The following STARD13 variants were observed in gnomAD, a reference collection of about 807,000 sequenced individuals.
STARD13 encodes stAR-related lipid transfer protein 13.
A neutral mutation model predicts 106.4 loss-of-function variants in STARD13; 62 were observed. The observed-to-expected ratio is 0.58, with a 90% CI of 0.48 to 0.72. STARD13 has a LOEUF of 0.72. Ranked by LOEUF, STARD13 falls within the 30% of genes least tolerant of loss-of-function variation. The pLI is 0.00. For missense variants in STARD13, 1,387 were observed against 1,424.0 expected, an observed-to-expected ratio of 0.97 and a Z score of 0.42; for synonymous variants, 565 against 553.0, an observed-to-expected ratio of 1.02 and a Z score of -0.31.
the STARD13 span, among the ~76,000 whole-genome samples, chr13:33,450,868 A>C: frequency 1.3e-5 from 2 of 151,970 alleles, no homozygotes; most frequent in African/African-American, 4.8e-5. Context: ...ATGCAGGTGA[A>C]GTTTGTTTTT....
At chr13:33,663,027 A>T in the STARD13 span, among the ~76,000 whole-genome samples, 1 of 152,358 alleles carries the variant, frequency 6.6e-6, no homozygotes, top group East Asian at 1.9e-4. Context: ...TGCTAACAGT[A>T]GTTTGAATTG....
At position 33,348,989 on chromosome 13, in the gene STARD13, A is replaced by G; in HGVS notation, c.*160T>C. On this transcript the variant is annotated 3_prime_UTR_variant, in exon 2 of 2. Transcript: ENST00000439831. ...GCTATAGATTCTGGGCATCTTCCCC[A>G]GAATGCTTTCAGGCTGATGAGGATG... The G allele has an allele frequency of 4.9e-6, 3 of 617,132 alleles. No individual in the cohort carries two copies. The South Asian group carries it at 5.5e-5, about 11-fold the overall frequency. 38.2% of individuals were successfully genotyped at this position (617,132 alleles called of 1,614,324 possible).
chr13:33,474,361 A>G, the STARD13 span, among the ~76,000 whole-genome samples: 9 of 152,332 alleles, frequency 5.9e-5, no homozygotes, highest in East Asian at 1.7e-3. Context: ...GTATTGGAGC[A>G]AACAGAGTTT....
At chr13:33,377,612 C>T in the STARD13 span, among the ~76,000 whole-genome samples, 1 of 150,716 alleles carries the variant, frequency 6.6e-6, no homozygotes, top group Non-Finnish European at 1.5e-5. Flanking sequence ...CTCTCATCTC[C>T]CCCAGGACAC....
intron 4 of STARD13, among the ~76,000 whole-genome samples, chr13:33,141,269 A>T (rs1438198975): frequency 6.6e-6 from 1 of 152,242 alleles, no homozygotes; most frequent in Non-Finnish European, 1.5e-5. Flanking sequence ...CCTCCGAGGT[A>T]GAAACCCTGC....
intron 1 of STARD13, among the ~76,000 whole-genome samples, chr13:33,176,422 T>C (rs1407775240): frequency 1.3e-5 from 2 of 152,200 alleles, no homozygotes; most frequent in Non-Finnish European, 1.5e-5. Flanking sequence ...CATGCATCAC[T>C]CATTCCAGGA....
the STARD13 span, among the ~76,000 whole-genome samples, chr13:33,658,872 T>C: frequency 6.6e-6 from 1 of 152,140 alleles, no homozygotes; most frequent in African/African-American, 2.4e-5. Context: ...AGAGGTTAAC[T>C]TGGTCACCAA....
At chr13:33,208,203 C>T (rs1887524551) in intron 1 of STARD13, among the ~76,000 whole-genome samples, 1 of 152,284 alleles carries the variant, frequency 6.6e-6, no homozygotes, top group South Asian at 2.1e-4. Context: ...AAATTATCAC[C>T]TAAAGCAGGA....
the STARD13 span, among the ~76,000 whole-genome samples, chr13:33,659,446 C>A: frequency 6.6e-6 from 1 of 152,118 alleles, no homozygotes; most frequent in African/African-American, 2.4e-5. Flanking sequence ...AATCTCCTGA[C>A]CTCGTGATCC....
the STARD13 span, among the ~76,000 whole-genome samples, chr13:33,410,586 T>C: frequency 1.3e-5 from 2 of 152,210 alleles, no homozygotes; most frequent in Non-Finnish European, 2.9e-5. Flanking sequence ...GCCCCTTCCC[T>C]GTTGGAGAAG....
the STARD13 span, among the ~76,000 whole-genome samples, chr13:33,429,941 G>A: frequency 2.7e-5 from 4 of 148,720 alleles, no homozygotes; most frequent in South Asian, 8.5e-4. Context: ...GGGGGGGGAC[G>A]GAGTCTCGCT....
the STARD13 span, chr13:33,656,952 T>A: frequency 6.6e-6 from 1 of 152,216 alleles, no homozygotes; most frequent in East Asian, 1.9e-4. Flanking sequence ...ACTGGAGTGA[T>A]AGAATCACAA....
At chr13:33,297,868 A>G (rs1414789647) in intron 1 of STARD13, among the ~76,000 whole-genome samples, 1 of 152,208 alleles carries the variant, frequency 6.6e-6, no homozygotes, top group Non-Finnish European at 1.5e-5. Context: ...CTGCACAACA[A>G]TGACAGATAC....
At chr13:33,458,122 A>C in the STARD13 span, among the ~76,000 whole-genome samples, 1 of 151,868 alleles carries the variant, frequency 6.6e-6, no homozygotes, top group East Asian at 1.9e-4. Context: ...GACAATGCCA[A>C]AGTAATTATA....
At chr13:33,444,610 A>G in the STARD13 span, among the ~76,000 whole-genome samples, 2 of 152,098 alleles carry the variant, frequency 1.3e-5, no homozygotes, top group African/African-American at 2.4e-5. Flanking sequence ...TACAAAAAAA[A>G]TAGAAAAAAT....
the STARD13 span, among the ~76,000 whole-genome samples, chr13:33,618,795 G>C: frequency 6.6e-6 from 1 of 151,938 alleles, no homozygotes; most frequent in Non-Finnish European, 1.5e-5. Flanking sequence ...GGGAGATAGA[G>C]CCCAAGCAGT....
chr13:33,141,374 T>C (rs1303296306), intron 4 of STARD13, among the ~76,000 whole-genome samples: 1 of 152,180 alleles, frequency 6.6e-6, no homozygotes, highest in Non-Finnish European at 1.5e-5. Context: ...CTCAGCGGAT[T>C]AAATGAGATA....
intron 1 of STARD13, among the ~76,000 whole-genome samples, chr13:33,327,633 A>AT (rs1360610825): frequency 7.9e-5 from 12 of 152,212 alleles, no homozygotes; most frequent in African/African-American, 2.9e-4. Flanking sequence ...AGCCTCCGAT[A>AT]GCACTGGGAT....
chr13:33,107,708 C>T lies in STARD13; in HGVS notation c.3048-774G>A, dbSNP rs534482496. ...CACTGTTCAGAAATGAAATGTGCTG[C>T]CCTGGGAGGCAGTGAGCTCCCTGTT... On this transcript the variant is annotated intron_variant, in intron 12 of 13. Coordinates refer to ENST00000336934, the MANE Select transcript of STARD13 (RefSeq NM_178006.4). Among the ~76,000 whole-genome samples, 4 of 152,014 alleles carry T rather than the reference C, an allele frequency of 2.6e-5. No individual in the cohort carries two copies. In the East Asian group the frequency reaches 5.8e-4, roughly 22 times the overall value.
Sources: gnomAD v4.1 joint callset for allele counts (sites outside exome capture counted in the v4.1 genomes callset) on GRCh38, gnomAD v4.1.1 for gene constraint, MANE v1.5 for transcripts, NCBI Gene and HGNC (gene_info 2026-07-23, HGNC 2026-07-21) for gene names.